KCNAB1: variants seen among roughly 807,000 people sequenced by gnomAD.
KCNAB1 encodes the protein potassium voltage-gated channel subfamily A regulatory beta subunit 1.
KCNAB1 carries 35 observed loss-of-function variants against 64.6 expected under a neutral mutation model. That is an observed-to-expected ratio of 0.54 (90% CI 0.41 to 0.72). The LOEUF (loss-of-function observed/expected upper bound fraction) is 0.72, where lower values mean the gene tolerates loss of function less well. Ranked by LOEUF, KCNAB1 falls within the 30% of genes least tolerant of loss-of-function variation. The pLI, the probability that KCNAB1 is intolerant of heterozygous loss-of-function variation, is 0.00. For missense variants in KCNAB1, 401 were observed against 512.9 expected (o/e 0.78, Z 2.11); for synonymous variants, 177 against 183.8 (o/e 0.96, Z 0.30).
At position 156,381,151 on chromosome 3, in the gene KCNAB1, G is replaced by A. The variant is rs572519192; in HGVS notation, c.276-40465G>A. Among the ~76,000 whole-genome samples, 137 of 152,072 alleles carry A rather than the reference G, an allele frequency of 9.0e-4. 1 individual carries two copies. The highest frequency in any genetic ancestry group is 9.2e-4 in the African/African-American group (38 of 41,478). On this transcript the variant is annotated intron_variant, in intron 1 of 13. Coordinates refer to ENST00000490337, the MANE Select transcript of KCNAB1 (RefSeq NM_172160.3). ...ACACTAAAAAACAAACCAAAAAAGC[G>A]CCCAAAGAGCCATTAGACCACAGAT...
intron 1 of KCNAB1, among the ~76,000 whole-genome samples, chr3:156,241,023 C>T (rs553033901): frequency 1.3e-5 from 2 of 152,248 alleles, no homozygotes; most frequent in Admixed American, 6.5e-5. Flanking sequence ...ATTTGTATAC[C>T]AGTTTCTATC....
intron 1 of KCNAB1, among the ~76,000 whole-genome samples, chr3:156,223,400 G>T (rs376402325): frequency 6.6e-6 from 1 of 152,288 alleles, no homozygotes; most frequent in South Asian, 2.1e-4. Context: ...ACAGAGAGCC[G>T]ATTAGTCTGT....
chr3:156,452,770 C>T lies in KCNAB1; in HGVS notation c.320-129C>T. The T allele has an allele frequency of 3.1e-6, 2 of 646,066 alleles. No homozygotes were observed. The highest frequency in any genetic ancestry group is 2.7e-5 in the East Asian group (1 of 36,694). The allele number at this position is 646,066 out of a possible 1,614,324, so 40.0% of individuals were successfully genotyped here. A position where few individuals can be genotyped will look rare whatever the true frequency, so the allele number is the denominator to read the frequency against. On this transcript the variant is annotated intron_variant, in intron 2 of 13. Transcript: ENST00000490337. This position sits in a 1 kb window ranked among gnomAD's most constrained non-coding sequence, Gnocchi z 4.6. Reference sequence around the variant, plus strand: ...ACTAGACCACAGCCCACATGTGCCCCTCATCCAGGTACCTTTGTGAACTAC... The same window carrying T: ...ACTAGACCACAGCCCACATGTGCCCTTCATCCAGGTACCTTTGTGAACTAC...
intron 1 of KCNAB1, among the ~76,000 whole-genome samples, chr3:156,156,162 CA>C (rs567256461): frequency 6.2e-4 from 94 of 152,248 alleles, no homozygotes; most frequent in Non-Finnish European, 1.0e-3. Context: ...CCCAGATAAA[CA>C]AAGACATTTT....
At chr3:156,534,507 C>T (rs1176029473) in intron 13 of KCNAB1, among the ~76,000 whole-genome samples, 1 of 152,118 alleles carries the variant, frequency 6.6e-6, no homozygotes, top group Non-Finnish European at 1.5e-5. Context: ...CAGAGAAGGC[C>T]AGGCTCCACA....
At chr3:156,333,926 T>A (rs1350867216) in intron 1 of KCNAB1, among the ~76,000 whole-genome samples, 1 of 149,524 alleles carries the variant, frequency 6.7e-6, no homozygotes, top group Non-Finnish European at 1.5e-5. Context: ...GGTCTTTTCA[T>A]GTTGATGTGT....
chr3:156,497,458 A>T (rs1477824965), intron 8 of KCNAB1, among the ~76,000 whole-genome samples: 2 of 152,212 alleles, frequency 1.3e-5, no homozygotes, highest in African/African-American at 4.8e-5. Flanking sequence ...CATCTACAAG[A>T]CAGAATTCCT....
intron 1 of KCNAB1, among the ~76,000 whole-genome samples, chr3:156,148,699 A>G (rs1033894706): frequency 2.0e-5 from 3 of 152,308 alleles, no homozygotes; most frequent in Admixed American, 1.3e-4. Context: ...TTTTTAACCA[A>G]TCCTAGTAAT....
intron 1 of KCNAB1, among the ~76,000 whole-genome samples, chr3:156,413,782 C>T (rs1470798296): frequency 6.6e-6 from 1 of 152,146 alleles, no homozygotes; most frequent in African/African-American, 2.4e-5. Flanking sequence ...CTGTTATGCA[C>T]CCAGCACTGT....
chr3:156,515,558 C>T (rs549464132), intron 10 of KCNAB1, among the ~76,000 whole-genome samples: 1 of 152,220 alleles, frequency 6.6e-6, no homozygotes, highest in South Asian at 2.1e-4. Context: ...CTCGAGTAAA[C>T]AATGACTACC....
chr3:156,515,260 G>C (rs367720442), intron 10 of KCNAB1, 40 bp downstream of exon 10: 1 of 1,561,038 alleles, frequency 6.4e-7, no homozygotes, highest in African/African-American at 1.4e-5. Context: ...TTTTTAACAA[G>C]AGAAAGATCA....
intron 1 of KCNAB1, among the ~76,000 whole-genome samples, chr3:156,237,054 G>A (rs1043011310): frequency 6.6e-6 from 1 of 152,118 alleles, no homozygotes; most frequent in African/African-American, 2.4e-5. Flanking sequence ...TTGTAAGGAC[G>A]GATGCATGTA....
chr3:156,457,584 A>T (rs1244411179), intron 4 of KCNAB1, 52 bp downstream of exon 4: 1 of 1,471,096 alleles, frequency 6.8e-7, no homozygotes. Flanking sequence ...GCACCAAAAG[A>T]ATCAGCCCAG....
In KCNAB1 at chr3:156,492,486, A is replaced by G. The variant is rs916757911; in HGVS notation, c.658+17666A>G. ...GAACTGCCATATGGAGACACCATAT[A>G]TACAGAGAAGTACCCAGCCAATCCT... On this transcript the variant is annotated intron_variant, in intron 8 of 13. Transcript: ENST00000490337. Among the ~76,000 whole-genome samples the G allele has an allele frequency of 7.2e-5, 11 of 152,202 alleles. No individual in the cohort carries two copies. In the East Asian group the frequency reaches 1.4e-3, roughly 19 times the overall value.
chr3:156,319,458 G>A (rs1444598412), intron 1 of KCNAB1, among the ~76,000 whole-genome samples: 1 of 152,186 alleles, frequency 6.6e-6, no homozygotes, highest in African/African-American at 2.4e-5. Flanking sequence ...TCCCAGAAGT[G>A]ATGTTATCAC....
chr3:156,405,831 C>T (rs577653935), intron 1 of KCNAB1, among the ~76,000 whole-genome samples: 1 of 152,290 alleles, frequency 6.6e-6, no homozygotes, highest in African/African-American at 2.4e-5. Context: ...TTTCTTCCTT[C>T]CAACCTTATA....
Position 156,494,603 on chromosome 3 carries a change from G to A in KCNAB1, c.659-19761G>A, listed in dbSNP as rs140128479. On this transcript the variant is annotated intron_variant, in intron 8 of 13. Transcript: ENST00000490337. ...AATTCCTATGTTGAAAGAGATTCAC[G>A]TGTGAAAGTTTCAAGGCAATGAAGG... Among the ~76,000 whole-genome samples, 52 of 152,130 alleles carry A rather than the reference G, an allele frequency of 3.4e-4. 1 individual carries two copies. The highest frequency in any genetic ancestry group is 3.3e-3 in the Admixed American group (51 of 15,260).
intron 11 of KCNAB1, among the ~76,000 whole-genome samples, chr3:156,517,327 G>C (rs4302336): frequency 0.48 from 73,381 of 152,040 alleles, 17,967 homozygotes; most frequent in Middle Eastern, 0.54. Flanking sequence ...TCCTTTCTCT[G>C]TGTAACAGTT....
intron 1 of KCNAB1, among the ~76,000 whole-genome samples, chr3:156,288,685 CAGAA>C (rs1376441623): frequency 6.6e-6 from 1 of 152,122 alleles, no homozygotes; most frequent in Admixed American, 6.5e-5. Context: ...TGTGGGCAGC[CAGAA>C]AGAGACTAGC....
Sources: allele counts gnomAD v4.1 joint callset (sites outside exome capture counted in the v4.1 genomes callset), GRCh38; gene constraint gnomAD v4.1.1; non-coding constraint Gnocchi (gnomAD v3.1); transcripts MANE v1.5; gene names NCBI Gene and HGNC (gene_info 2026-07-23, HGNC 2026-07-21).